CCDC83: variants seen among roughly 807,000 people sequenced by gnomAD.
CCDC83 encodes coiled-coil domain containing 83, also known as coiled-coil domain-containing protein 83.
Under a neutral mutation model 50.1 loss-of-function variants are expected in CCDC83, and 54 were observed. The ratio of observed to expected loss-of-function variants is 1.08; its 90% CI spans 0.87 to 1.35. The LOEUF (loss-of-function observed/expected upper bound fraction) is 1.35, where lower values mean the gene tolerates loss of function less well. Among genes scored for constraint, CCDC83 ranks in the 40% most tolerant of loss-of-function variants. The pLI, the probability that CCDC83 is intolerant of heterozygous loss-of-function variation, is 0.00. For missense variants in CCDC83, 518 were observed against 473.9 expected (o/e 1.09, Z -0.86); for synonymous variants, 161 against 153.3 (o/e 1.05, Z -0.37).
chr11:85,883,270 T>C (rs746641146), intron 4 of CCDC83, among the ~76,000 whole-genome samples: 3 of 152,126 alleles, frequency 2.0e-5, no homozygotes, highest in Non-Finnish European at 2.9e-5. Context: ...TTACTCATAG[T>C]AGGGTTTTGT....
rs139310220 is a variant in CCDC83 at position 85,867,694 on chromosome 11, T to A, written c.95+2476T>A. Among the ~76,000 whole-genome samples the A allele has an allele frequency of 2.8e-4, 42 of 152,344 alleles. No individual in the cohort carries two copies. The East Asian group carries it at 7.5e-3, about 27-fold the overall frequency. On this transcript the variant is annotated intron_variant, in intron 2 of 10. Transcript: ENST00000342404. ...TAATTTGCTCCCATGGTGTAACTGG[T>A]GACATCCAGTTAACAGCTGTTTTTC... is the stretch of plus-strand genomic sequence containing the variant.
intron 10 of CCDC83, among the ~76,000 whole-genome samples, chr11:85,917,167 A>AGAGAGAGAGAGAGAGAAG (rs1554986879): frequency 1.6e-4 from 14 of 86,944 alleles, no homozygotes; most frequent in African/African-American, 5.7e-4. Flanking sequence ...AGAGAGAGAG[A>AGAGAGAGAGAGAGAGAAG]GAAAGAAAGA....
chr11:85,911,582 A>G (rs1181271415), intron 8 of CCDC83, among the ~76,000 whole-genome samples, 180 bp downstream of exon 8: 1 of 152,234 alleles, frequency 6.6e-6, no homozygotes, highest in Non-Finnish European at 1.5e-5. Context: ...GACCATTGGT[A>G]CAATGTAAAG....
intron 1 of CCDC83, among the ~76,000 whole-genome samples, chr11:85,858,805 G>T (rs2093157616): frequency 6.6e-6 from 1 of 152,102 alleles, no homozygotes; most frequent in East Asian, 1.9e-4. Flanking sequence ...TGACAGAAAA[G>T]CAGCAGCTAT....
intron 8 of CCDC83, among the ~76,000 whole-genome samples, chr11:85,914,387 A>T (rs893608749): frequency 1.3e-5 from 2 of 152,234 alleles, no homozygotes; most frequent in Non-Finnish European, 2.9e-5. Context: ...TTGAAAATTC[A>T]GTGGACACTC....
chr11:85,865,647 G>A (rs555764477), intron 2 of CCDC83, among the ~76,000 whole-genome samples: 7 of 152,158 alleles, frequency 4.6e-5, no homozygotes, highest in Non-Finnish European at 8.8e-5. Context: ...CAGCCCTTTG[G>A]GAGACCAAAG....
intron 8 of CCDC83, chr11:85,912,818 A>G (rs977489257): frequency 7.9e-6 from 7 of 880,734 alleles, no homozygotes; most frequent in East Asian, 7.2e-5. Context: ...TCTTTAGGAA[A>G]GAGATACCCT....
intron 6 of CCDC83, among the ~76,000 whole-genome samples, chr11:85,898,733 C>T (rs1020169947): frequency 2.6e-5 from 4 of 152,176 alleles, no homozygotes; most frequent in African/African-American, 9.7e-5. Context: ...TTGTCCAGTT[C>T]TCCAAATCAC....
chr11:85,865,250 C>T, intron 2 of CCDC83, 32 bp downstream of exon 2: 1 of 1,336,856 alleles, frequency 7.5e-7, no homozygotes, highest in Non-Finnish European at 1.1e-6. Context: ...TGAAAGTTGC[C>T]ATAGATAAAA....
intron 7 of CCDC83, among the ~76,000 whole-genome samples, chr11:85,899,716 C>A (rs1231347206): frequency 1.3e-5 from 2 of 152,156 alleles, no homozygotes; most frequent in Non-Finnish European, 2.9e-5. Flanking sequence ...ATCTTTTCAA[C>A]TATATTTCCA....
In CCDC83 at chr11:85,858,583, C is replaced by G. The variant is rs190580165; in HGVS notation, c.-29+2999C>G. On this transcript the variant is annotated intron_variant, in intron 1 of 10. Transcript: ENST00000342404. ...CAGGGGGAATTGAGAGGCCCCTCCT[C>G]AAGCCTTGGTCATGATAGGGGTACA... Among the ~76,000 whole-genome samples the G allele has an allele frequency of 2.0e-5, 3 of 152,298 alleles. No homozygotes were observed. The East Asian group carries it at 5.8e-4, about 29-fold the overall frequency.
chr11:85,902,697 G>A (rs1325438892), intron 7 of CCDC83, among the ~76,000 whole-genome samples: 4 of 152,142 alleles, frequency 2.6e-5, no homozygotes, highest in African/African-American at 9.7e-5. Flanking sequence ...AAACTTGGGA[G>A]TTAAGTCACC....
chr11:85,860,301 CAAA>C (rs56657675), intron 1 of CCDC83, among the ~76,000 whole-genome samples: 2 of 55,952 alleles, frequency 3.6e-5, no homozygotes, highest in African/African-American at 6.7e-5. Flanking sequence ...GACTCCGTCT[CAAA>C]AAAAAAAAAA....
At chr11:85,911,128 A>C (rs1217711613) in intron 7 of CCDC83, among the ~76,000 whole-genome samples, 153 bp from the exon 8 acceptor site, 1 of 150,844 alleles carries the variant, frequency 6.6e-6, no homozygotes, top group African/African-American at 2.4e-5. Context: ...CCAAGATTGC[A>C]CCACCGCACT....
chr11:85,897,192 A>G (rs780767218), intron 6 of CCDC83, among the ~76,000 whole-genome samples: 3 of 152,204 alleles, frequency 2.0e-5, no homozygotes, highest in Non-Finnish European at 2.9e-5. Context: ...ACTATTCTAA[A>G]TATTCTTTCA....
intron 5 of CCDC83, among the ~76,000 whole-genome samples, chr11:85,892,460 C>T (rs112575518): frequency 0.012 from 1,859 of 152,182 alleles, 33 homozygotes; most frequent in African/African-American, 0.043. Flanking sequence ...AGAAGAAAAA[C>T]GGTCCATACA....
intron 10 of CCDC83, 38 bp from the exon 11 acceptor site, chr11:85,919,311 T>C (rs1257595049): frequency 9.1e-6 from 14 of 1,542,954 alleles, no homozygotes; most frequent in Non-Finnish European, 1.2e-5. Context: ...ATTTGCTGAA[T>C]CACCTCTCCT....
chr11:85,916,299 T>C, intron 10 of CCDC83, 66 bp downstream of exon 10: 2 of 1,159,444 alleles, frequency 1.7e-6, no homozygotes, highest in Non-Finnish European at 2.5e-6. Flanking sequence ...GCTGTTTTAA[T>C]TGAGAAAATT....
intron 10 of CCDC83, among the ~76,000 whole-genome samples, chr11:85,918,199 G>A (rs945933690): frequency 1.3e-5 from 2 of 152,210 alleles, no homozygotes; most frequent in Non-Finnish European, 2.9e-5. Context: ...ATTTAAGGGA[G>A]AGAACAGCAA....
Sources: gnomAD v4.1 joint callset for allele counts (sites outside exome capture counted in the v4.1 genomes callset) on GRCh38, gnomAD v4.1.1 for gene constraint, MANE v1.5 for transcripts, NCBI Gene and HGNC (gene_info 2026-07-23, HGNC 2026-07-21) for gene names.